CBFA2T2: variants seen among roughly 807,000 people sequenced by gnomAD.
CBFA2T2 encodes the protein CBFA2/RUNX1 partner transcriptional co-repressor 2.
A neutral mutation model predicts 62.2 loss-of-function variants in CBFA2T2; 11 were observed. The ratio of observed to expected loss-of-function variants is 0.18; its 90% CI spans 0.11 to 0.29. The LOEUF (loss-of-function observed/expected upper bound fraction) is 0.29. Among genes scored for constraint, CBFA2T2 ranks in the 10% least tolerant of loss-of-function variants. The pLI, the probability that CBFA2T2 is intolerant of heterozygous loss-of-function variation, is 1.00. For missense variants in CBFA2T2, 592 were observed against 774.1 expected (o/e 0.76, Z 2.79); for synonymous variants, 295 against 287.5 (o/e 1.03, Z -0.27).
chr20:33,642,119 TGTGTGTGTGTGTGTGTG>T (rs2016878775), intron 10 of CBFA2T2, among the ~76,000 whole-genome samples: 2 of 28,856 alleles, frequency 6.9e-5, no homozygotes, highest in Non-Finnish European at 7.2e-5. Context: ...TTTTTTTTTG[TGTGTGTGTGTGTGTGTG>T]TGTGTGTGTG....
In CBFA2T2 at chr20:33,542,274, A is replaced by C. The variant is rs149604762; in HGVS notation, c.34+51973A>C. ...TGCCTGAGTGGTTAAGTCAGTGATC[A>C]GTTAAAACCAATAATCATTGGTAAC... On this transcript the variant is annotated intron_variant, in intron 1 of 10. Coordinates refer to ENST00000342704, the MANE Select transcript of CBFA2T2 (RefSeq NM_001032999.3). Among the ~76,000 whole-genome samples, 635 of 152,248 alleles carry C rather than the reference A, an allele frequency of 4.2e-3. 4 individuals are homozygous for C. The highest frequency in any genetic ancestry group is 0.014 in the African/African-American group (589 of 41,534).
At chr20:33,582,664 G>A (rs551948172) in intron 1 of CBFA2T2, among the ~76,000 whole-genome samples, 13 of 151,692 alleles carry the variant, frequency 8.6e-5, no homozygotes, top group South Asian at 4.2e-4. Flanking sequence ...CTACTATGCC[G>A]GGTGCGGTGA....
Position 33,645,597 on chromosome 20 carries a change from A to C in CBFA2T2, c.*951A>C, listed in dbSNP as rs1017127747. 1 of 152,182 alleles carries C rather than the reference A, an allele frequency of 6.6e-6. No homozygotes were observed. Among genetic ancestry groups the C allele is most frequent in the African/African-American group, 2.4e-5 (1 of 41,444 alleles). The allele number at this position is 152,182 out of a possible 1,614,324, so 9.4% of individuals were successfully genotyped here. A position where few individuals can be genotyped will look rare whatever the true frequency, so the allele number is the denominator to read the frequency against. The stretch of plus-strand genomic sequence containing the variant: ...CACACACATCTGGAACGCTGTGGGC[A>C]TCTTCTGCCCATGGGCTCCATTTGG... On this transcript the variant is annotated 3_prime_UTR_variant, in exon 11 of 11. Coordinates refer to ENST00000342704, the MANE Select transcript of CBFA2T2 (RefSeq NM_001032999.3).
chr20:33,573,995 C>G (rs1038835276), intron 1 of CBFA2T2: 1 of 690,228 alleles, frequency 1.4e-6, no homozygotes, highest in South Asian at 2.7e-5. Context: ...TGCCATGTTG[C>G]CCAGGTGGGT....
chr20:33,642,423 G>A (rs1429997168), intron 10 of CBFA2T2, among the ~76,000 whole-genome samples: 4 of 151,956 alleles, frequency 2.6e-5, no homozygotes, highest in Non-Finnish European at 5.9e-5. Context: ...GCTAGATGGT[G>A]AGACCCCATT....
chr20:33,519,734 A>G (rs189805031), intron 1 of CBFA2T2, among the ~76,000 whole-genome samples: 1 of 152,172 alleles, frequency 6.6e-6, no homozygotes, highest in Non-Finnish European at 1.5e-5. Flanking sequence ...GGTAGGGTCC[A>G]GGAATCTTCA....
chr20:33,567,057 A>G (rs1432052322), intron 1 of CBFA2T2, among the ~76,000 whole-genome samples: 2 of 152,238 alleles, frequency 1.3e-5, no homozygotes, highest in African/African-American at 2.4e-5. Flanking sequence ...TGGTGGTTGT[A>G]TCTTGCAGAA....
chr20:33,624,820 G>C lies in CBFA2T2; in HGVS notation c.749G>C (p.Arg250Thr). 3 of 1,614,186 alleles carry C rather than the reference G, an allele frequency of 1.9e-6. No homozygotes were observed. Among genetic ancestry groups the C allele is most frequent in the Non-Finnish European group, 2.5e-6 (3 of 1,180,024 alleles). Residue 250 changes from arginine to threonine, a missense_variant, in exon 6 of 11, where the codon AGA becomes ACA. Physicochemically the swap from Arg to Thr is moderately conservative, Grantham distance 71 (BLOSUM62 -1). Transcript: ENST00000342704. The stretch of plus-strand genomic sequence containing the variant: ...ATTGCTCCTGAGCCTCCTGCCAAGA[G>C]AGTATGTACCATCAGCCCTGCTCCT... ...DTIAPEPPAK[R>T]VCTISPAPRH...
intron 8 of CBFA2T2, among the ~76,000 whole-genome samples, chr20:33,634,453 C>T (rs1261687793): frequency 6.6e-6 from 1 of 151,964 alleles, no homozygotes; most frequent in East Asian, 1.9e-4. Flanking sequence ...TGGCAAATCG[C>T]TTAAACTCAG....
chr20:33,597,897 A>G (rs923748054), intron 1 of CBFA2T2, among the ~76,000 whole-genome samples: 6 of 152,158 alleles, frequency 3.9e-5, no homozygotes, highest in Non-Finnish European at 8.8e-5. Context: ...AGCATCGGCC[A>G]GCTTGAGAAA....
rs2011994220 is a variant in CBFA2T2, at chr20:33,529,746, TATATATATATATATATA to T, written c.34+39446_34+39462del. Reference sequence around the variant, plus strand: ...GTATCAAGAAAGAAGAAAGCAGTTATATATATATATATATATATATATATATATATATATATTTCTTT... The same window carrying T: ...GTATCAAGAAAGAAGAAAGCAGTTATTATATATATATATATATATTTCTTT... On this transcript the variant is annotated intron_variant, in intron 1 of 10. Coordinates refer to ENST00000342704, the MANE Select transcript of CBFA2T2 (RefSeq NM_001032999.3). Among the ~76,000 whole-genome samples, 47 of 129,356 alleles carry T rather than the reference TATATATATATATATATA, an allele frequency of 3.6e-4. 3 individuals are homozygous for T. Among genetic ancestry groups the T allele is most frequent in the African/African-American group, 7.3e-4 (23 of 31,496 alleles). 84.9% of individuals were successfully genotyped at this position (129,356 alleles called of 152,430 possible). A position where few individuals can be genotyped will look rare whatever the true frequency, so the allele number is the denominator to read the frequency against.
chr20:33,600,548 T>C (rs1351707289), intron 1 of CBFA2T2: 2 of 345,052 alleles, frequency 5.8e-6, no homozygotes, highest in Non-Finnish European at 1.1e-5. Flanking sequence ...TTGGCAGTGA[T>C]TGAAGAGAGG....
At chr20:33,493,549 G>A (rs2011165264) in intron 1 of CBFA2T2, among the ~76,000 whole-genome samples, 1 of 152,104 alleles carries the variant, frequency 6.6e-6, no homozygotes, top group Non-Finnish European at 1.5e-5. Context: ...TGTTGCCCAG[G>A]TTCTGCTGCC....
rs6087497 is a variant in CBFA2T2 at position 33,532,349 on chromosome 20, G to T, written c.34+42048G>T. Among the ~76,000 whole-genome samples, 547 of 152,352 alleles carry T rather than the reference G, an allele frequency of 3.6e-3. 2 individuals carry two copies. The highest frequency in any genetic ancestry group is 6.0e-3 in the Non-Finnish European group (411 of 68,038). On this transcript the variant is annotated intron_variant, in intron 1 of 10. Transcript: ENST00000342704. ...AGGGAACTTAGGAAGGCATTATTGAGAAGTTGACATTTGAGTTTACAGCAG... is the reference window on the plus strand; with the variant it reads ...AGGGAACTTAGGAAGGCATTATTGATAAGTTGACATTTGAGTTTACAGCAG...
chr20:33,491,531 CT>C (rs539764317), intron 1 of CBFA2T2, among the ~76,000 whole-genome samples: 7 of 150,968 alleles, frequency 4.6e-5, no homozygotes, highest in Admixed American at 2.6e-4. Flanking sequence ...CTTTACGCTT[CT>C]TTTTTTTTGC....
chr20:33,636,855 T>C, intron 9 of CBFA2T2, 147 bp downstream of exon 9: 1 of 600,302 alleles, frequency 1.7e-6, no homozygotes. Flanking sequence ...CCTCTCCTGC[T>C]CTGGCTTGTC....
At chr20:33,611,663 A>G (rs890117777) in intron 3 of CBFA2T2, among the ~76,000 whole-genome samples, 1 of 152,066 alleles carries the variant, frequency 6.6e-6, no homozygotes, top group Non-Finnish European at 1.5e-5. Flanking sequence ...CTACATGTGC[A>G]TGCCGCCATG....
intron 1 of CBFA2T2, among the ~76,000 whole-genome samples, chr20:33,494,466 A>G (rs895641905): frequency 1.1e-4 from 16 of 149,542 alleles, no homozygotes; most frequent in Admixed American, 5.4e-4. Flanking sequence ...TATTTTTGGT[A>G]GAGGCGGGGT....
chr20:33,492,579 A>G (rs2011155988), intron 1 of CBFA2T2, among the ~76,000 whole-genome samples: 1 of 152,098 alleles, frequency 6.6e-6, no homozygotes, highest in Non-Finnish European at 1.5e-5. Flanking sequence ...CAGTGGCGTC[A>G]TCATGGCCCA....
Sources: allele counts gnomAD v4.1 joint callset (sites outside exome capture counted in the v4.1 genomes callset), GRCh38; gene constraint gnomAD v4.1.1; transcripts MANE v1.5; gene names NCBI Gene and HGNC (gene_info 2026-07-23, HGNC 2026-07-21).